The following IRAG1 variants were observed in gnomAD, a reference collection of about 807,000 sequenced individuals.
IRAG1 encodes inositol 1,4,5-triphosphate receptor associated 1, also known as IP3R-associated cGMP kinase substrate.
A neutral mutation model predicts 106.2 loss-of-function variants in IRAG1; 62 were observed. The observed-to-expected ratio is 0.58, with a 90% CI of 0.48 to 0.72. The LOEUF is 0.72. IRAG1 is among the 30% of genes least tolerant of loss of function. IRAG1 has a pLI of 0.00. For missense variants in IRAG1, 1,064 were observed against 1,140.7 expected, an observed-to-expected ratio of 0.93 and a Z score of 0.97; for synonymous variants, 462 against 443.9, an observed-to-expected ratio of 1.04 and a Z score of -0.51.
Position 10,626,225 on chromosome 11 carries a change from A to T in IRAG1, c.1109T>A (p.Met370Lys). The T allele has an allele frequency of 6.3e-7, 1 of 1,598,246 alleles. No homozygotes were observed. The highest frequency in any genetic ancestry group is 8.5e-7 in the Non-Finnish European group (1 of 1,170,576). Residue 370 changes from methionine (M) to lysine (K), a missense_variant, in exon 9 of 21, where the codon ATG becomes AAG. Coordinates refer to ENST00000423302, the MANE Select transcript of IRAG1 (RefSeq NM_130385.4). ...AGCTTTGGAGCCAGCCTCGGGCCCCATCGGCTCTCCAGCTGGGCCTCTCCC... is the reference window on the plus strand; with the variant it reads ...AGCTTTGGAGCCAGCCTCGGGCCCCTTCGGCTCTCCAGCTGGGCCTCTCCC... ...SQGRGPAGEP[M>K]GPEAGSKAEL...
chr11:10,688,289 A>G (rs1861812764), intron 1 of IRAG1, among the ~76,000 whole-genome samples: 1 of 152,108 alleles, frequency 6.6e-6, no homozygotes, highest in African/African-American at 2.4e-5. Flanking sequence ...TGCTGCCTCC[A>G]TTACAAGATG....
At chr11:10,593,420 G>T in intron 17 of IRAG1, 72 bp downstream of exon 17, 2 of 1,346,952 alleles carry the variant, frequency 1.5e-6, no homozygotes, top group Non-Finnish European at 2.1e-6. Flanking sequence ...CACCCTCCCT[G>T]CCCTAGGACT....
chr11:10,661,869 AG>A (rs1233433389), intron 1 of IRAG1, among the ~76,000 whole-genome samples: 1 of 152,108 alleles, frequency 6.6e-6, no homozygotes, highest in East Asian at 1.9e-4. Flanking sequence ...CATCTTGGGG[AG>A]GGGGGAGTAT....
chr11:10,591,147 C>A (rs1455430621), intron 18 of IRAG1, among the ~76,000 whole-genome samples: 1 of 152,186 alleles, frequency 6.6e-6, no homozygotes, highest in African/African-American at 2.4e-5. Context: ...ATGAAGTTAA[C>A]ATACAATGTG....
Position 10,657,471 on chromosome 11 carries a change from G to A in IRAG1, c.68-5289C>T, listed in dbSNP as rs528076927. On this transcript the variant is annotated intron_variant, in intron 1 of 20. Transcript: ENST00000423302. The surrounding 1 kb of genome is among the most constrained non-coding windows in gnomAD (Gnocchi z 4.1). ...TCTCTGAAACCACAGTATCCCAGGA[G>A]CACAGCCCGTAAGCTAAGCGGCTCT... Among the ~76,000 whole-genome samples, 2 of 152,266 alleles carry A rather than the reference G, an allele frequency of 1.3e-5. No individual in the cohort carries two copies. The highest frequency in any genetic ancestry group is 4.8e-5 in the African/African-American group (2 of 41,546).
intron 20 of IRAG1, 84 bp from the exon 21 acceptor site, chr11:10,576,659 G>T: frequency 6.5e-7 from 1 of 1,538,608 alleles, no homozygotes; most frequent in Non-Finnish European, 8.9e-7. Flanking sequence ...TCTGCGGATA[G>T]CTTCCATGCT....
intron 15 of IRAG1, 78 bp downstream of exon 15, chr11:10,600,840 G>A: frequency 6.4e-7 from 1 of 1,568,086 alleles, no homozygotes; most frequent in Non-Finnish European, 8.7e-7. Flanking sequence ...GGGCTGTTCT[G>A]ACAGCTCTAA....
intron 1 of IRAG1, among the ~76,000 whole-genome samples, chr11:10,682,965 T>C (rs1391861250): frequency 1.3e-5 from 2 of 152,230 alleles, no homozygotes. Flanking sequence ...CTAGTCATAC[T>C]GGGCCTGTGG....
At chr11:10,686,523 T>C (rs918020948) in intron 1 of IRAG1, among the ~76,000 whole-genome samples, 1 of 152,158 alleles carries the variant, frequency 6.6e-6, no homozygotes, top group Non-Finnish European at 1.5e-5. Flanking sequence ...AAGTGCAAAG[T>C]AGAGCAAGCC....
intron 10 of IRAG1, among the ~76,000 whole-genome samples, chr11:10,614,300 A>C (rs1855217114): frequency 6.6e-6 from 1 of 152,126 alleles, no homozygotes; most frequent in Admixed American, 6.5e-5. Flanking sequence ...GTCATACCAT[A>C]CCTGATTAAA....
chr11:10,643,823 G>A (rs184087338), intron 2 of IRAG1, among the ~76,000 whole-genome samples: 91 of 152,208 alleles, frequency 6.0e-4, no homozygotes, highest in African/African-American at 2.1e-3. Context: ...CACAGTCTGT[G>A]GCCCGCAAGT....
At position 10,657,238 on chromosome 11, in the gene IRAG1, T is replaced by C. The variant is rs11042911; in HGVS notation, c.68-5056A>G. On this transcript the variant is annotated intron_variant, in intron 1 of 20. Transcript: ENST00000423302. This position sits in a 1 kb window ranked among gnomAD's most constrained non-coding sequence, Gnocchi z 4.1. Reference sequence around the variant, plus strand: ...ATTATTAACATTAAAGTTAGACCCATGTTACAGATGAGGAAACAGAGGCCC... The same window carrying C: ...ATTATTAACATTAAAGTTAGACCCACGTTACAGATGAGGAAACAGAGGCCC... Among the ~76,000 whole-genome samples the C allele has an allele frequency of 0.37, 56,655 of 151,950 alleles. 11,002 individuals carry two copies. The highest frequency in any genetic ancestry group is 0.46 in the African/African-American group (18,986 of 41,414).
At chr11:10,681,549 G>A (rs1230369524) in intron 1 of IRAG1, among the ~76,000 whole-genome samples, 1 of 152,148 alleles carries the variant, frequency 6.6e-6, no homozygotes, top group African/African-American at 2.4e-5. Flanking sequence ...TTATTGCTCT[G>A]AGATGGGCTC....
intron 10 of IRAG1, among the ~76,000 whole-genome samples, chr11:10,620,111 C>A (rs1180293013): frequency 6.6e-6 from 1 of 151,342 alleles, no homozygotes; most frequent in African/African-American, 2.4e-5. Context: ...GAATAGTAGC[C>A]CATGGAAAAA....
At chr11:10,633,646 C>T (rs1856912784) in intron 3 of IRAG1, among the ~76,000 whole-genome samples, 1 of 152,168 alleles carries the variant, frequency 6.6e-6, no homozygotes, top group African/African-American at 2.4e-5. Context: ...CTAGCCCTTT[C>T]CATGGGGGAA....
At chr11:10,613,021 C>T (rs185730158) in intron 10 of IRAG1, among the ~76,000 whole-genome samples, 5 of 151,812 alleles carry the variant, frequency 3.3e-5, no homozygotes, top group East Asian at 1.9e-4. Flanking sequence ...GTAATCATAA[C>T]GAATGCAAAG....
chr11:10,610,107 G>A (rs376266334), intron 10 of IRAG1, among the ~76,000 whole-genome samples: 2 of 152,142 alleles, frequency 1.3e-5, no homozygotes, highest in African/African-American at 4.8e-5. Context: ...AGACCTCAAG[G>A]TCTACCTGCT....
rs1397928785 is a variant in IRAG1, at chr11:10,581,761, G to A, written c.2360+106C>T. 25 of 1,374,430 alleles carry A rather than the reference G, an allele frequency of 1.8e-5. No individual in the cohort carries two copies. In the South Asian group the frequency reaches 1.9e-4, roughly 10 times the overall value. 85.1% of individuals were successfully genotyped at this position (1,374,430 alleles called of 1,614,324 possible). ...CCTTCCTGTGGCAAGGAGGTCCTGC[G>A]GCCACTGGTTACTTCCCTAAAGCCT... On this transcript the variant is annotated intron_variant, in intron 19 of 20. Coordinates refer to ENST00000423302, the MANE Select transcript of IRAG1 (RefSeq NM_130385.4).
chr11:10,603,492 C>T (rs922254978), intron 13 of IRAG1, among the ~76,000 whole-genome samples: 3 of 152,124 alleles, frequency 2.0e-5, no homozygotes, highest in African/African-American at 4.8e-5. Context: ...CTATGGGAAT[C>T]GAATGCTGCT....
Sources: allele counts gnomAD v4.1 joint callset (sites outside exome capture counted in the v4.1 genomes callset), GRCh38; gene constraint gnomAD v4.1.1; non-coding constraint Gnocchi (gnomAD v3.1); transcripts MANE v1.5; gene names NCBI Gene and HGNC (gene_info 2026-07-23, HGNC 2026-07-21).